Variants in ARL15 observed in about 807,000 individuals in gnomAD.
ARL15 encodes ADP-ribosylation factor-like protein 15.
Under a neutral mutation model 25.2 loss-of-function variants are expected in ARL15, and 19 were observed. That is an observed-to-expected ratio of 0.75 (90% CI 0.53 to 1.10). The LOEUF is 1.10. Among genes scored for constraint, ARL15 ranks in the 50% least tolerant of loss-of-function variants. The pLI is 0.00. For synonymous variants in ARL15, 94 were observed against 86.8 expected (o/e 1.08, Z -0.46); for missense variants, 220 against 246.0 (o/e 0.89, Z 0.71).
intron 3 of ARL15, among the ~76,000 whole-genome samples, chr5:54,146,758 G>T (rs1215409621): frequency 2.0e-5 from 3 of 152,130 alleles, no homozygotes; most frequent in African/African-American, 7.2e-5. Flanking sequence ...CTCATTGCCA[G>T]GGGGGTCAAA....
At position 54,280,691 on chromosome 5, in the gene ARL15, T is replaced by C. The variant is rs1423577032; in HGVS notation, c.48+29741A>G. Among the ~76,000 whole-genome samples, 3 of 152,246 alleles carry C rather than the reference T, an allele frequency of 2.0e-5. No homozygotes were observed. In the South Asian group the frequency reaches 6.2e-4, roughly 32 times the overall value. On this transcript the variant is annotated intron_variant, in intron 1 of 4. Coordinates refer to ENST00000504924, the MANE Select transcript of ARL15 (RefSeq NM_019087.3). ...CTTAAGCATTTTGTACACACATACA[T>C]ATGTTCTTCTGTACGAAGCAGATGA... is the stretch of plus-strand genomic sequence containing the variant.
chr5:54,234,691 G>A (rs1399731157), intron 1 of ARL15, among the ~76,000 whole-genome samples: 1 of 152,204 alleles, frequency 6.6e-6, no homozygotes, highest in South Asian at 2.1e-4. Flanking sequence ...CTGTGAAAGT[G>A]AAACAAAATT....
intron 4 of ARL15, among the ~76,000 whole-genome samples, chr5:54,087,338 G>A (rs1751996866): frequency 6.6e-6 from 1 of 151,820 alleles, no homozygotes; most frequent in East Asian, 1.9e-4. Flanking sequence ...AAAAAAAAAA[G>A]AGAGAACTCA....
chr5:54,111,081 C>A (rs1476373434), intron 4 of ARL15, among the ~76,000 whole-genome samples: 1 of 151,960 alleles, frequency 6.6e-6, no homozygotes, highest in Non-Finnish European at 1.5e-5. Context: ...CCATGTATCC[C>A]ATTAAAGCAG....
chr5:54,209,692 G>GAAA (rs139790359), intron 1 of ARL15, among the ~76,000 whole-genome samples: 1 of 149,530 alleles, frequency 6.7e-6, no homozygotes. Flanking sequence ...CACATATAAT[G>GAAA]AAAAAAAAAA....
At chr5:54,275,180 C>T (rs1579973616) in intron 1 of ARL15, among the ~76,000 whole-genome samples, 1 of 152,196 alleles carries the variant, frequency 6.6e-6, no homozygotes, top group East Asian at 1.9e-4. Flanking sequence ...ACAATGGCTA[C>T]GGGCAACACT....
In ARL15 at chr5:53,995,765, C is replaced by G. The variant is rs145189045; in HGVS notation, c.463-109052G>C. ...TGTCCTGGCATTCCTGGCCCCTGCCCACAAAATGCTAGCAGTGACCCCAGT... is the reference window on the plus strand; with the variant it reads ...TGTCCTGGCATTCCTGGCCCCTGCCGACAAAATGCTAGCAGTGACCCCAGT... On this transcript the variant is annotated intron_variant, in intron 4 of 4. Coordinates refer to ENST00000504924, the MANE Select transcript of ARL15 (RefSeq NM_019087.3). Among the ~76,000 whole-genome samples, 410 of 152,236 alleles carry G rather than the reference C, an allele frequency of 2.7e-3. 2 individuals are homozygous for G. The highest frequency in any genetic ancestry group is 9.5e-3 in the African/African-American group (394 of 41,524).
At chr5:54,099,508 G>GT (rs1489590951) in intron 4 of ARL15, among the ~76,000 whole-genome samples, 1 of 152,086 alleles carries the variant, frequency 6.6e-6, no homozygotes, top group African/African-American at 2.4e-5. Flanking sequence ...TAGCTTTGCA[G>GT]TATTTTCTTT....
At chr5:54,281,014 TTTG>T (rs920968148) in intron 1 of ARL15, among the ~76,000 whole-genome samples, 4 of 152,158 alleles carry the variant, frequency 2.6e-5, no homozygotes, top group African/African-American at 9.6e-5. Context: ...AATATTCATT[TTTG>T]TTGTTGTTGT....
At position 54,131,126 on chromosome 5, in the gene ARL15, A is replaced by G. The variant is rs116686001; in HGVS notation, c.254-17716T>C. Among the ~76,000 whole-genome samples the G allele has an allele frequency of 2.4e-3, 369 of 152,274 alleles. 1 individual carries two copies. Among genetic ancestry groups the G allele is most frequent in the Non-Finnish European group, 3.9e-3 (262 of 68,018 alleles). On this transcript the variant is annotated intron_variant, in intron 3 of 4. Transcript: ENST00000504924. ...TCTCTTGTCATCACCTCTAGCAGTA[A>G]GCAGTTTCTGTTTATCCTAATATAC...
chr5:54,304,115 G>GA (rs140367726), intron 1 of ARL15, among the ~76,000 whole-genome samples: 357 of 152,296 alleles, frequency 2.3e-3, no homozygotes, highest in Middle Eastern at 0.014. Flanking sequence ...GTTTACTTAA[G>GA]AAGCAATATA....
At chr5:54,119,074 A>G (rs1248645670) in intron 3 of ARL15, among the ~76,000 whole-genome samples, 2 of 152,096 alleles carry the variant, frequency 1.3e-5, no homozygotes, top group Admixed American at 6.5e-5. Context: ...TGTTCTCACT[A>G]TGGTTCATGC....
intron 4 of ARL15, among the ~76,000 whole-genome samples, chr5:53,934,955 C>T (rs559989416): frequency 6.6e-6 from 1 of 152,226 alleles, no homozygotes; most frequent in African/African-American, 2.4e-5. Flanking sequence ...GCTAATTATG[C>T]AGAAAAGCAT....
At chr5:54,226,207 T>C (rs1372929743) in intron 1 of ARL15, among the ~76,000 whole-genome samples, 3 of 151,976 alleles carry the variant, frequency 2.0e-5, no homozygotes, top group Non-Finnish European at 2.9e-5. Context: ...GGCCTGAAGG[T>C]TGAGCAGGGA....
chr5:53,909,291 T>G (rs963455914), intron 4 of ARL15, among the ~76,000 whole-genome samples: 3 of 152,200 alleles, frequency 2.0e-5, no homozygotes, highest in Admixed American at 1.3e-4. Flanking sequence ...CACTGGATAA[T>G]AACCTTGGGG....
chr5:54,002,929 A>G (rs1748893414), intron 4 of ARL15, among the ~76,000 whole-genome samples: 1 of 152,188 alleles, frequency 6.6e-6, no homozygotes, highest in African/African-American at 2.4e-5. Flanking sequence ...AGAAAGCCCA[A>G]AAGTAGGCCT....
At position 54,012,491 on chromosome 5, in the gene ARL15, T is replaced by C. The variant is rs1378950029; in HGVS notation, c.462+100711A>G. Among the ~76,000 whole-genome samples the C allele has an allele frequency of 2.6e-5, 4 of 152,156 alleles. No homozygotes were observed. In the East Asian group the frequency reaches 7.7e-4, roughly 29 times the overall value. ...CTGCATTTAACCCAGGCTATGCAAG[T>C]TGAAAAACAAACAACAAAAAATAAT... On this transcript the variant is annotated intron_variant, in intron 4 of 4. Transcript: ENST00000504924.
chr5:54,014,370 G>A (rs1315643276), intron 4 of ARL15, among the ~76,000 whole-genome samples: 1 of 152,110 alleles, frequency 6.6e-6, no homozygotes, highest in Non-Finnish European at 1.5e-5. Flanking sequence ...GACCAAGAAT[G>A]TAAGGACACC....
chr5:54,079,967 T>TCTCACA, intron 4 of ARL15, among the ~76,000 whole-genome samples: 1 of 124,382 alleles, frequency 8.0e-6, no homozygotes, highest in South Asian at 3.2e-4. Context: ...TGAGACTCCG[T>TCTCACA]CACACACACA....
Sources: allele counts gnomAD v4.1 joint callset (sites outside exome capture counted in the v4.1 genomes callset), GRCh38; gene constraint gnomAD v4.1.1; transcripts MANE v1.5; gene names NCBI Gene and HGNC (gene_info 2026-07-23, HGNC 2026-07-21).